ANGPTL2: variants seen among roughly 807,000 people sequenced by gnomAD.
The protein encoded by ANGPTL2 is angiopoietin like 2, also known as angiopoietin-related protein 2.
In ANGPTL2, 25 loss-of-function variants were observed where a neutral mutation model predicts 52.8. That is an observed-to-expected ratio of 0.47 (90% CI 0.35 to 0.66). The LOEUF (loss-of-function observed/expected upper bound fraction) is 0.66. Ranked by LOEUF, ANGPTL2 falls within the 30% of genes least tolerant of loss-of-function variation. ANGPTL2 has a pLI of 0.01. For synonymous variants in ANGPTL2, 276 were observed against 277.4 expected (o/e 1.00, Z 0.05); for missense variants, 546 against 656.9 (o/e 0.83, Z 1.84).
At chr9:127,099,635 C>G (rs1030940612) in intron 2 of ANGPTL2, among the ~76,000 whole-genome samples, 1 of 152,246 alleles carries the variant, frequency 6.6e-6, no homozygotes, top group Non-Finnish European at 1.5e-5. Flanking sequence ...TGGGGGTCTT[C>G]GAATCTCATT....
At chr9:127,121,688 A>G (rs1045465379) in intron 1 of ANGPTL2, among the ~76,000 whole-genome samples, 6 of 152,216 alleles carry the variant, frequency 3.9e-5, no homozygotes, top group African/African-American at 1.4e-4. Flanking sequence ...TCTTGGCCAC[A>G]TCCACTCAGT....
At chr9:127,099,648 T>A (rs2053523268) in intron 2 of ANGPTL2, among the ~76,000 whole-genome samples, 1 of 152,210 alleles carries the variant, frequency 6.6e-6, no homozygotes, top group Admixed American at 6.5e-5. Context: ...ATCTCATTTA[T>A]CCAGAGGCTT....
intron 2 of ANGPTL2, among the ~76,000 whole-genome samples, chr9:127,104,734 C>T (rs2054053120): frequency 6.6e-6 from 1 of 152,202 alleles, no homozygotes. Flanking sequence ...TGGGGAAGGG[C>T]ATGCTGTGGG....
intron 2 of ANGPTL2, among the ~76,000 whole-genome samples, chr9:127,103,607 C>T (rs948235915): frequency 2.0e-5 from 3 of 152,182 alleles, no homozygotes; most frequent in African/African-American, 7.2e-5. Flanking sequence ...GTACTTTCTA[C>T]TGGGGAGCTT....
chr9:127,094,738 A>G (rs2052910570), intron 2 of ANGPTL2, among the ~76,000 whole-genome samples: 1 of 152,196 alleles, frequency 6.6e-6, no homozygotes, highest in African/African-American at 2.4e-5. Context: ...CAGGCTCATA[A>G]ACTTAAAGGA....
chr9:127,116,628 A>G (rs2055453910), intron 1 of ANGPTL2, among the ~76,000 whole-genome samples: 1 of 152,170 alleles, frequency 6.6e-6, no homozygotes, highest in African/African-American at 2.4e-5. Context: ...GGTGGACAGC[A>G]CTGCCCCAGG....
chr9:127,091,773 A>G lies in ANGPTL2; in HGVS notation c.1179T>C (p.Tyr393=), dbSNP rs2052507948. The part of the protein sequence containing the change: ...SFRLEPESEY[Y]KLRLGRYHGN... Reference sequence around the variant, plus strand: ...CATGGTAGCGCCCCAGCCGCAGCTTATAATACTCGCTCTCAGGTTCCAGGC... The same window carrying G: ...CATGGTAGCGCCCCAGCCGCAGCTTGTAATACTCGCTCTCAGGTTCCAGGC... The change falls in exon 4 of 5, where the codon TAT becomes TAC. Residue 393 remains tyrosine, a synonymous_variant. Transcript: ENST00000373425. This position sits in a 1 kb window ranked among gnomAD's most constrained non-coding sequence, Gnocchi z 4.3. 1.4e-5 allele frequency: 22 copies of G among 1,614,170 alleles called. No individual in the cohort carries two copies. Among genetic ancestry groups the G allele is most frequent in the South Asian group, 2.2e-5 (2 of 91,084 alleles).
At chr9:127,096,826 T>C (rs1311889591) in intron 2 of ANGPTL2, among the ~76,000 whole-genome samples, 2 of 152,210 alleles carry the variant, frequency 1.3e-5, no homozygotes, top group African/African-American at 4.8e-5. Flanking sequence ...GTAGTAATAA[T>C]AATAGCCAGT....
chr9:127,094,045 G>A (rs761956806), intron 2 of ANGPTL2, 119 bp from the exon 3 acceptor site: 9 of 1,152,010 alleles, frequency 7.8e-6, no homozygotes, highest in African/African-American at 3.1e-5. Context: ...ACAGGCCCAC[G>A]GTCTGAGGTA....
chr9:127,088,619 C>A lies in ANGPTL2; in HGVS notation c.*320G>T. ...CATACGTGCACAAGGGAGGCTCATA[C>A]ACATGTATATTATGAAGGTACTTTG... On this transcript the variant is annotated 3_prime_UTR_variant, in exon 5 of 5. Transcript: ENST00000373425. The A allele has an allele frequency of 2.6e-6, 1 of 390,236 alleles. No individual in the cohort carries two copies. Among genetic ancestry groups the A allele is most frequent in the Non-Finnish European group, 4.7e-6 (1 of 211,520 alleles). 24.2% of individuals were successfully genotyped at this position (390,236 alleles called of 1,614,324 possible).
At chr9:127,096,712 C>T (rs1329729849) in intron 2 of ANGPTL2, among the ~76,000 whole-genome samples, 2 of 152,272 alleles carry the variant, frequency 1.3e-5, no homozygotes, top group African/African-American at 4.8e-5. Flanking sequence ...ATCCTTTATT[C>T]AGAAAAATGC....
Position 127,091,764 on chromosome 9 carries a change from C to G in ANGPTL2, c.1188G>C (p.Arg396=), listed in dbSNP as rs774784891. Residue 396 remains arginine, a synonymous_variant, in exon 4 of 5, where the codon CGG becomes CGC. Transcript: ENST00000373425. The surrounding 1 kb of genome is among the most constrained non-coding windows in gnomAD (Gnocchi z 4.3). ...LEPESEYYKL[R]LGRYHGNAGD... ...CCGCATTGCCATGGTAGCGCCCCAG[C>G]CGCAGCTTATAATACTCGCTCTCAG... The G allele has an allele frequency of 6.2e-7, 1 of 1,614,162 alleles. No homozygotes were observed.
chr9:127,116,506 C>T (rs1372100011), intron 1 of ANGPTL2, among the ~76,000 whole-genome samples: 3 of 152,166 alleles, frequency 2.0e-5, no homozygotes, highest in African/African-American at 4.8e-5. Context: ...TCTGCAGAAG[C>T]CATTTCAGAG....
chr9:127,108,221 G>C lies in ANGPTL2; in HGVS notation c.511C>G (p.Gln171Glu). Residue 171 changes from glutamine to glutamate, a missense_variant, in exon 2 of 5, where the codon CAG (glutamine) becomes GAG (glutamate). Coordinates refer to ENST00000373425, the MANE Select transcript of ANGPTL2 (RefSeq NM_012098.3). ...RILNQTADML[Q>E]LASKYKDLEH... ...AGGTCCTTGTACTTGCTGGCCAGCT[G>C]CAGCATGTCGGCTGTCTGGTTCAGG... is the stretch of plus-strand genomic sequence containing the variant. 3.7e-6 allele frequency: 6 copies of C among 1,614,112 alleles called. No homozygotes were observed. Among genetic ancestry groups the C allele is most frequent in the Non-Finnish European group, 5.1e-6 (6 of 1,180,020 alleles).
rs1300416974 is a variant in ANGPTL2, at chr9:127,108,795, A to AG, written c.-49-16dup. The AG allele has an allele frequency of 1.2e-5, 18 of 1,499,490 alleles. No individual in the cohort carries two copies. Among genetic ancestry groups the AG allele is most frequent in the Non-Finnish European group, 3.6e-6 (4 of 1,116,584 alleles). 92.9% of individuals were successfully genotyped at this position (1,499,490 alleles called of 1,614,324 possible). A position where few individuals can be genotyped will look rare whatever the true frequency, so the allele number is the denominator to read the frequency against. On this transcript the variant is annotated splice_polypyrimidine_tract_variant and intron_variant, in intron 1 of 4. Transcript: ENST00000373425. ...TCTATGAAAGCCTGAAAGTAAACAG[A>AG]GGGGAGAATCAGTGATGGTCCCACC...
In ANGPTL2 at chr9:127,091,616, C is replaced by G; in HGVS notation, c.1282+54G>C. On this transcript the variant is annotated intron_variant, in intron 4 of 4. Transcript: ENST00000373425. This position sits in a 1 kb window ranked among gnomAD's most constrained non-coding sequence, Gnocchi z 4.3. ...AGCCCTGGAGTCAGGGGCTCTGGCTCTGGTTGACCTCTTTTCCCTACCCTG... is the reference window on the plus strand; with the variant it reads ...AGCCCTGGAGTCAGGGGCTCTGGCTGTGGTTGACCTCTTTTCCCTACCCTG... The G allele has an allele frequency of 6.3e-7, 1 of 1,577,942 alleles. No individual in the cohort carries two copies. The highest frequency in any genetic ancestry group is 8.6e-7 in the Non-Finnish European group (1 of 1,161,140).
At chr9:127,102,197 C>G (rs1300263406) in intron 2 of ANGPTL2, among the ~76,000 whole-genome samples, 2 of 152,182 alleles carry the variant, frequency 1.3e-5, no homozygotes, top group Non-Finnish European at 2.9e-5. Flanking sequence ...AGTCCATTTT[C>G]TGCTGCTATA....
intron 3 of ANGPTL2, among the ~76,000 whole-genome samples, chr9:127,092,794 G>A (rs2052637546): frequency 6.6e-6 from 1 of 152,068 alleles, no homozygotes; most frequent in South Asian, 2.1e-4. Flanking sequence ...TAATGTAGGT[G>A]GAAGAGGAGA....
rs1421902137 is a variant in ANGPTL2, at chr9:127,088,119, A to T, written c.*820T>A. On this transcript the variant is annotated 3_prime_UTR_variant, in exon 5 of 5. Coordinates refer to ENST00000373425, the MANE Select transcript of ANGPTL2 (RefSeq NM_012098.3). ...AGGCGAGGAGTACAGCAGAGCGGAA[A>T]GGGGGCCTTGAACTGCAGTGAGTGG... 1.3e-5 allele frequency: 2 copies of T among 152,544 alleles called. No homozygotes were observed. The highest frequency in any genetic ancestry group is 2.9e-5 in the Non-Finnish European group (2 of 68,060). The allele number at this position is 152,544 out of a possible 1,614,324, so 9.4% of individuals were successfully genotyped here.
Sources: gnomAD v4.1 joint callset for allele counts (sites outside exome capture counted in the v4.1 genomes callset) on GRCh38, gnomAD v4.1.1 for gene constraint, Gnocchi (gnomAD v3.1) non-coding constraint, MANE v1.5 for transcripts, NCBI Gene and HGNC (gene_info 2026-07-23, HGNC 2026-07-21) for gene names.